KIAA1328: variants seen among roughly 807,000 people sequenced by gnomAD.
KIAA1328 encodes the protein KIAA1328.
Under a neutral mutation model 68.1 loss-of-function variants are expected in KIAA1328, and 52 were observed. The ratio of observed to expected loss-of-function variants is 0.76; its 90% CI spans 0.61 to 0.96. The LOEUF is 0.96. Ranked by LOEUF, KIAA1328 falls within the 40% of genes least tolerant of loss-of-function variation. The pLI, the probability that KIAA1328 is intolerant of heterozygous loss-of-function variation, is 0.00. For synonymous variants in KIAA1328, 232 were observed against 239.4 expected, an observed-to-expected ratio of 0.97 and a Z score of 0.28; for missense variants, 641 against 677.6, an observed-to-expected ratio of 0.95 and a Z score of 0.60.
At chr18:37,046,984 T>G (rs1018539510) in intron 6 of KIAA1328, among the ~76,000 whole-genome samples, 2 of 152,096 alleles carry the variant, frequency 1.3e-5, no homozygotes, top group Non-Finnish European at 2.9e-5. Context: ...TACAAAAAAT[T>G]AGCTGGGTGT....
intron 7 of KIAA1328, among the ~76,000 whole-genome samples, chr18:37,141,031 T>A (rs560846715): frequency 1.1e-4 from 17 of 152,304 alleles, no homozygotes; most frequent in African/African-American, 3.8e-4. Context: ...TACATCTCAG[T>A]ATATTTAAAA....
At chr18:37,118,562 A>T (rs2058184721) in intron 7 of KIAA1328, among the ~76,000 whole-genome samples, 1 of 152,180 alleles carries the variant, frequency 6.6e-6, no homozygotes, top group Non-Finnish European at 1.5e-5. Context: ...CCCCTTGATT[A>T]TCATGATCAG....
At chr18:37,164,465 C>T (rs902743844) in intron 8 of KIAA1328, among the ~76,000 whole-genome samples, 1 of 152,164 alleles carries the variant, frequency 6.6e-6, no homozygotes, top group Non-Finnish European at 1.5e-5. Context: ...ATAGCACTGG[C>T]TGGGTGTGGT....
chr18:36,837,141 G>A (rs2046703996), intron 3 of KIAA1328, among the ~76,000 whole-genome samples: 1 of 152,120 alleles, frequency 6.6e-6, no homozygotes, highest in Non-Finnish European at 1.5e-5. Flanking sequence ...GTGTCGTGTA[G>A]TTTTATGTTT....
At chr18:37,027,937 CAGAAAATT>C (rs1173055986) in intron 6 of KIAA1328, among the ~76,000 whole-genome samples, 1 of 151,940 alleles carries the variant, frequency 6.6e-6, no homozygotes, top group Non-Finnish European at 1.5e-5. Context: ...AGGCAACCTA[CAGAAAATT>C]TCTGCAATCT....
intron 6 of KIAA1328, among the ~76,000 whole-genome samples, chr18:36,992,537 G>C (rs904628996): frequency 1.4e-5 from 2 of 142,728 alleles, no homozygotes; most frequent in African/African-American, 5.6e-5. Context: ...CTTAAATGTT[G>C]CATGTTCCTC....
intron 6 of KIAA1328, among the ~76,000 whole-genome samples, chr18:37,009,380 G>A (rs559644676): frequency 2.6e-5 from 4 of 152,256 alleles, no homozygotes; most frequent in East Asian, 1.9e-4. Context: ...CTAGGAAATC[G>A]CCTTAAGAGG....
intron 6 of KIAA1328, among the ~76,000 whole-genome samples, chr18:36,975,960 G>T (rs571224774): frequency 6.6e-6 from 1 of 152,190 alleles, no homozygotes; most frequent in East Asian, 1.9e-4. Context: ...AAGTCCTCTG[G>T]ATTAGGCATG....
chr18:37,213,339 C>T (rs572240604), intron 9 of KIAA1328, among the ~76,000 whole-genome samples: 15 of 152,252 alleles, frequency 9.9e-5, no homozygotes, highest in East Asian at 5.8e-4. Context: ...TGATGTTCCC[C>T]GCTCTGTGTC....
intron 6 of KIAA1328, among the ~76,000 whole-genome samples, chr18:36,979,160 T>A (rs1022542553): frequency 1.3e-5 from 2 of 151,272 alleles, no homozygotes; most frequent in Non-Finnish European, 2.9e-5. Flanking sequence ...AGACCCTATC[T>A]CTAAAAATAA....
At chr18:36,981,181 A>G (rs2052670007) in intron 6 of KIAA1328, among the ~76,000 whole-genome samples, 1 of 152,194 alleles carries the variant, frequency 6.6e-6, no homozygotes, top group Non-Finnish European at 1.5e-5. Flanking sequence ...AGAATATTCC[A>G]GTTAGATTTT....
In KIAA1328 at chr18:37,020,618, A is replaced by G. The variant is rs188780970; in HGVS notation, c.577-46272A>G. ...CCTTTGTAAAGGAAATCAGCTACAG[A>G]TAAATGATCAATTTTATGTAGAATC... is the stretch of plus-strand genomic sequence containing the variant. On this transcript the variant is annotated intron_variant, in intron 6 of 9. Coordinates refer to ENST00000280020, the MANE Select transcript of KIAA1328 (RefSeq NM_020776.3). 2.2e-3 allele frequency among the ~76,000 whole-genome samples: 330 copies of G among 152,360 alleles called. 1 individual carries two copies. The highest frequency in any genetic ancestry group is 4.8e-3 in the Admixed American group (73 of 15,306).
At position 37,066,938 on chromosome 18, in the gene KIAA1328, G is replaced by A. The variant is rs866270003; in HGVS notation, c.625G>A (p.Gly209Ser). The A allele has an allele frequency of 4.3e-6, 7 of 1,609,774 alleles. No homozygotes were observed. Among genetic ancestry groups the A allele is most frequent in the African/African-American group, 4.0e-5 (3 of 74,888 alleles). Residue 209 changes from glycine (G) to serine (S), a missense_variant, in exon 7 of 10, where the codon GGT becomes AGT. By Grantham distance (56) the Gly-to-Ser change is moderately conservative. Transcript: ENST00000280020. ...TLQCSSVELDGSYLSIARPQT... is the reference protein window; with the variant it reads ...TLQCSSVELDSSYLSIARPQT... Reference sequence around the variant, plus strand: ...CCAGTGTTCATCTGTGGAACTGGATGGTTCCTACTTGAGCATAGCCAGACC... The same window carrying A: ...CCAGTGTTCATCTGTGGAACTGGATAGTTCCTACTTGAGCATAGCCAGACC...
In KIAA1328 at chr18:37,223,840, T is replaced by C; in HGVS notation, c.*1613T>C. 1 of 985,068 alleles carries C rather than the reference T, an allele frequency of 1.0e-6. No homozygotes were observed. The highest frequency in any genetic ancestry group is 1.2e-6 in the Non-Finnish European group (1 of 829,618). 61.0% of individuals were successfully genotyped at this position (985,068 alleles called of 1,614,324 possible). ...CTTTCACTTGGGGTTTTTTATTCTT[T>C]GGAGTAGAAAAGAATGGAGCCCACT... is the stretch of plus-strand genomic sequence containing the variant. On this transcript the variant is annotated 3_prime_UTR_variant, in exon 10 of 10. Coordinates refer to ENST00000280020, the MANE Select transcript of KIAA1328 (RefSeq NM_020776.3).
chr18:37,078,813 TA>T (rs1438881524), intron 7 of KIAA1328, among the ~76,000 whole-genome samples: 2 of 149,886 alleles, frequency 1.3e-5, no homozygotes, highest in Admixed American at 1.3e-4. Flanking sequence ...TGGCAATCAT[TA>T]AAAAGTCAGG....
intron 5 of KIAA1328, among the ~76,000 whole-genome samples, chr18:36,940,523 A>G (rs1283549499): frequency 1.3e-5 from 2 of 152,146 alleles, no homozygotes; most frequent in Non-Finnish European, 2.9e-5. Flanking sequence ...GAAGCATTTG[A>G]TGTAAGACTA....
chr18:37,126,873 G>A (rs1384316481), intron 7 of KIAA1328, among the ~76,000 whole-genome samples: 18 of 152,050 alleles, frequency 1.2e-4, no homozygotes, highest in Admixed American at 1.2e-3. Flanking sequence ...AATGCAAAAA[G>A]TTGACATCCA....
intron 5 of KIAA1328, among the ~76,000 whole-genome samples, chr18:36,957,835 C>T (rs1009231173): frequency 2.0e-5 from 3 of 152,042 alleles, no homozygotes; most frequent in Non-Finnish European, 2.9e-5. Context: ...AAAATTCACC[C>T]TTTTGAACTA....
rs191559515 is a variant in KIAA1328 at position 37,014,328 on chromosome 18, G to A, written c.577-52562G>A. ...TGATAATTATTTTTGCTCTGCAGAC[G>A]TTCTTTAGTTTAATTGGATCCAACT... is the stretch of plus-strand genomic sequence containing the variant. On this transcript the variant is annotated intron_variant, in intron 6 of 9. Coordinates refer to ENST00000280020, the MANE Select transcript of KIAA1328 (RefSeq NM_020776.3). Among the ~76,000 whole-genome samples the A allele has an allele frequency of 1.3e-4, 20 of 152,248 alleles. No homozygotes were observed. In the East Asian group the frequency reaches 2.7e-3, roughly 21 times the overall value.
Sources: gnomAD v4.1 joint callset for allele counts (sites outside exome capture counted in the v4.1 genomes callset) on GRCh38, gnomAD v4.1.1 for gene constraint, MANE v1.5 for transcripts, NCBI Gene and HGNC (gene_info 2026-07-23, HGNC 2026-07-21) for gene names.